Variants in PCDHGB4 observed in about 807,000 individuals in gnomAD.
PCDHGB4 encodes protocadherin gamma subfamily B, 4.
In PCDHGB4, 38 loss-of-function variants were observed where a neutral mutation model predicts 60.5. The ratio of observed to expected loss-of-function variants is 0.63; its 90% CI spans 0.48 to 0.82. PCDHGB4 has a LOEUF of 0.82. PCDHGB4 is among the 40% of genes least tolerant of loss of function. The pLI is 0.00. For missense variants in PCDHGB4, 1,109 were observed against 1,209.6 expected (o/e 0.92, Z 1.23); for synonymous variants, 456 against 509.7 (o/e 0.89, Z 1.42).
intron 1 of PCDHGB4, chr5:141,478,865 T>G: frequency 7.5e-7 from 1 of 1,326,190 alleles, no homozygotes; most frequent in Non-Finnish European, 1.0e-6. Context: ...ATCTCAGCGA[T>G]CAGAGTTTAG....
intron 1 of PCDHGB4, among the ~76,000 whole-genome samples, chr5:141,456,266 C>G (rs1273258132): frequency 6.6e-6 from 1 of 152,128 alleles, no homozygotes; most frequent in Non-Finnish European, 1.5e-5. Context: ...TTGCTTCTGG[C>G]TACTTCCTGC....
chr5:141,494,323 A>T (rs1188768690), intron 1 of PCDHGB4, among the ~76,000 whole-genome samples: 1 of 152,210 alleles, frequency 6.6e-6, no homozygotes, highest in Non-Finnish European at 1.5e-5. Flanking sequence ...CCTGGCACCA[A>T]AAGGGTTACC....
At chr5:141,444,561 G>A (rs1554133061) in intron 1 of PCDHGB4, among the ~76,000 whole-genome samples, 2 of 152,098 alleles carry the variant, frequency 1.3e-5, no homozygotes, top group Non-Finnish European at 2.9e-5. Context: ...GCACTTATTT[G>A]ACACTTTTGA....
At chr5:141,411,045 T>G (rs1409162601) in intron 1 of PCDHGB4, 1 of 159,716 alleles carries the variant, frequency 6.3e-6, no homozygotes, top group Non-Finnish European at 1.4e-5. Flanking sequence ...AGACATGGGG[T>G]TTCACTATGT....
At chr5:141,501,329 ACACAC>A (rs1562200854) in intron 2 of PCDHGB4, among the ~76,000 whole-genome samples, 2 of 148,226 alleles carry the variant, frequency 1.3e-5, no homozygotes, top group Non-Finnish European at 3.0e-5. Flanking sequence ...ACACACACAC[ACACAC>A]CCCAAACTCA....
rs375834520 is a variant in PCDHGB4, at chr5:141,389,526, G to A, written c.1642G>A (p.Val548Met). 145 of 1,613,070 alleles carry A rather than the reference G, an allele frequency of 9.0e-5. No homozygotes were observed. Among genetic ancestry groups the A allele is most frequent in the Non-Finnish European group, 1.2e-4 (141 of 1,179,758 alleles). The part of the protein sequence containing the change: ...PALSANVSLR[V>M]LVDDRNDNAP... ...GCTCAGCGCGAACGTGAGCCTGCGC[G>A]TGTTAGTGGACGACCGCAACGACAA... Residue 548 changes from valine (V) to methionine (M), a missense_variant, in exon 1 of 4, where the codon GTG (valine) becomes ATG (methionine). Coordinates refer to ENST00000519479, the MANE Select transcript of PCDHGB4 (RefSeq NM_003736.4).
At position 141,432,540 on chromosome 5, in the gene PCDHGB4, T is replaced by A. The variant is rs147884705; in HGVS notation, c.2397+42259T>A. 7.6e-4 allele frequency: 1,222 copies of A among 1,613,608 alleles called. 1 individual carries two copies. The highest frequency in any genetic ancestry group is 1.1e-3 in the Admixed American group (64 of 59,988). ...TACCTGGTGACCAAGGTGGTGGCGG[T>A]GGACAGAGACTCCGGCCAGAACGCC... On this transcript the variant is annotated intron_variant, in intron 1 of 3. Transcript: ENST00000519479. This position sits in a 1 kb window ranked among gnomAD's most constrained non-coding sequence, Gnocchi z 6.0.
At chr5:141,461,817 C>A (rs2099023873) in intron 1 of PCDHGB4, among the ~76,000 whole-genome samples, 1 of 150,844 alleles carries the variant, frequency 6.6e-6, no homozygotes, top group South Asian at 2.1e-4. Flanking sequence ...CCACACCCAG[C>A]TAATTTTTTT....
chr5:141,445,048 A>G (rs1364884310), intron 1 of PCDHGB4, among the ~76,000 whole-genome samples: 4 of 152,234 alleles, frequency 2.6e-5, no homozygotes, highest in Non-Finnish European at 5.9e-5. Flanking sequence ...TTTTCAGTGT[A>G]GAGAGGTCAT....
intron 1 of PCDHGB4, chr5:141,394,168 T>A (rs1291860578): frequency 1.7e-5 from 27 of 1,613,634 alleles, no homozygotes; most frequent in Non-Finnish European, 2.2e-5. Flanking sequence ...CCTCCTACTT[T>A]CCCTCATGCC....
At chr5:141,488,866 G>A (rs957501628) in intron 1 of PCDHGB4, among the ~76,000 whole-genome samples, 1 of 152,148 alleles carries the variant, frequency 6.6e-6, no homozygotes, top group African/African-American at 2.4e-5. Flanking sequence ...GAAGTGAGTG[G>A]GGAGGTAGGA....
At chr5:141,392,851 T>C in intron 1 of PCDHGB4, 1 of 1,611,148 alleles carries the variant, frequency 6.2e-7, no homozygotes, top group Non-Finnish European at 8.5e-7. Context: ...CGCGGCGAGC[T>C]GATCCTGCTG....
At chr5:141,501,326 CACACA>C (rs2099807944) in intron 2 of PCDHGB4, among the ~76,000 whole-genome samples, 1 of 151,784 alleles carries the variant, frequency 6.6e-6, no homozygotes, top group Non-Finnish European at 1.5e-5. Flanking sequence ...CACACACACA[CACACA>C]CACCCCAAAC....
chr5:141,500,104 T>C (rs917633032), intron 2 of PCDHGB4, among the ~76,000 whole-genome samples: 1 of 152,124 alleles, frequency 6.6e-6, no homozygotes, highest in Non-Finnish European at 1.5e-5. Context: ...AATTTATTTG[T>C]TGAATCCCTG....
chr5:141,422,910 C>T (rs756589496), intron 1 of PCDHGB4: 2 of 1,614,252 alleles, frequency 1.2e-6, no homozygotes, highest in South Asian at 1.1e-5. Context: ...ACAATGCGCC[C>T]GAGATCCTGT....
Position 141,487,295 on chromosome 5 carries a change from T to C in PCDHGB4, c.2398-7512T>C, listed in dbSNP as rs2099642474. The C allele has an allele frequency of 5.6e-6, 9 of 1,614,164 alleles. No individual in the cohort carries two copies. In the East Asian group the frequency reaches 1.3e-4, roughly 24 times the overall value. ...AATTTGCTTTGTCTCCTTTGGCTCA[T>C]TCGTGGCACTACTCTCTAAGTGTCT... On this transcript the variant is annotated intron_variant, in intron 1 of 3. Transcript: ENST00000519479. This position sits in a 1 kb window ranked among gnomAD's most constrained non-coding sequence, Gnocchi z 5.0.
chr5:141,438,122 A>T (rs1272350030), intron 1 of PCDHGB4, among the ~76,000 whole-genome samples: 1 of 152,214 alleles, frequency 6.6e-6, no homozygotes, highest in Non-Finnish European at 1.5e-5. Flanking sequence ...CATTCCTAAA[A>T]TATTAATGGC....
chr5:141,424,797 C>G (rs1262781875), intron 1 of PCDHGB4: 1 of 151,908 alleles, frequency 6.6e-6, no homozygotes, highest in Non-Finnish European at 1.5e-5. Flanking sequence ...TTATTCAGAC[C>G]AACTTGTTAT....
intron 2 of PCDHGB4, among the ~76,000 whole-genome samples, chr5:141,499,317 A>G (rs532848559): frequency 7.9e-5 from 12 of 152,354 alleles, no homozygotes; most frequent in Admixed American, 1.3e-4. Context: ...GAGAGACAGT[A>G]TCCCTGCTCT....
Sources: gnomAD v4.1 joint callset for allele counts (sites outside exome capture counted in the v4.1 genomes callset) on GRCh38, gnomAD v4.1.1 for gene constraint, Gnocchi (gnomAD v3.1) non-coding constraint, MANE v1.5 for transcripts, NCBI Gene and HGNC (gene_info 2026-07-23, HGNC 2026-07-21) for gene names.